Variants in ARHGAP28 observed in about 807,000 individuals in gnomAD.
ARHGAP28 encodes Rho GTPase activating protein 28.
ARHGAP28 carries 56 observed loss-of-function variants against 90.7 expected under a neutral mutation model. The ratio of observed to expected loss-of-function variants is 0.62; its 90% CI spans 0.50 to 0.77. The LOEUF (loss-of-function observed/expected upper bound fraction) is 0.77. Ranked by LOEUF, ARHGAP28 falls within the 30% of genes least tolerant of loss-of-function variation. ARHGAP28 has a pLI of 0.00. For missense variants in ARHGAP28, 869 were observed against 900.9 expected, an observed-to-expected ratio of 0.96 and a Z score of 0.45; for synonymous variants, 308 against 323.3, an observed-to-expected ratio of 0.95 and a Z score of 0.51.
rs76377513 is a variant in ARHGAP28, at chr18:6,771,773, T to C, written c.122+41830T>C. On this transcript the variant is annotated intron_variant, in intron 1 of 17. Transcript: ENST00000383472. ...ACGTTTTTATGTTAAACATTAGTAG[T>C]TGGATCTTAAAAACCACAAGAGAAC... 7.9e-3 allele frequency among the ~76,000 whole-genome samples: 1,199 copies of C among 152,320 alleles called. 9 individuals carry two copies. Among genetic ancestry groups the C allele is most frequent in the African/African-American group, 0.027 (1,120 of 41,562 alleles).
intron 1 of ARHGAP28, among the ~76,000 whole-genome samples, chr18:6,785,075 G>T (rs894035322): frequency 6.6e-6 from 1 of 152,104 alleles, no homozygotes; most frequent in Non-Finnish European, 1.5e-5. Flanking sequence ...GCTGTCTTTG[G>T]AATTAATTTC....
At chr18:6,896,467 T>C in intron 15 of ARHGAP28, 35 bp from the exon 16 acceptor site, 1 of 1,610,106 alleles carries the variant, frequency 6.2e-7, no homozygotes, top group South Asian at 1.1e-5. Flanking sequence ...TCATCCTAGT[T>C]TGACAGACTG....
intron 1 of ARHGAP28, among the ~76,000 whole-genome samples, chr18:6,761,269 G>A (rs1312984519): frequency 6.6e-6 from 1 of 152,112 alleles, no homozygotes; most frequent in Admixed American, 6.5e-5. Flanking sequence ...TATTCTGTCT[G>A]TGGAAACTCA....
intron 1 of ARHGAP28, among the ~76,000 whole-genome samples, chr18:6,784,013 C>T (rs2056347330): frequency 6.6e-6 from 1 of 152,172 alleles, no homozygotes; most frequent in Admixed American, 6.6e-5. Context: ...TCCCCTCATG[C>T]TGCTCACATT....
At chr18:6,853,979 A>G (rs72883081) in intron 4 of ARHGAP28, among the ~76,000 whole-genome samples, 5,972 of 152,198 alleles carry the variant, frequency 0.039, 297 homozygotes, top group East Asian at 0.28. Context: ...CACATCCCTA[A>G]CCTTGGCAAA....
At chr18:6,872,344 G>A (rs1019506441) in intron 7 of ARHGAP28, among the ~76,000 whole-genome samples, 31 of 152,294 alleles carry the variant, frequency 2.0e-4, no homozygotes, top group African/African-American at 7.0e-4. Context: ...AACTAGCTAA[G>A]CATTTAATAG....
chr18:6,809,195 A>G (rs951586039), intron 1 of ARHGAP28, among the ~76,000 whole-genome samples: 1 of 152,174 alleles, frequency 6.6e-6, no homozygotes, highest in Non-Finnish European at 1.5e-5. Context: ...GCCTCTTGTC[A>G]AATCTTAAAA....
chr18:6,905,123 G>T (rs1434778825), intron 16 of ARHGAP28, among the ~76,000 whole-genome samples: 2 of 151,376 alleles, frequency 1.3e-5, no homozygotes, highest in African/African-American at 4.9e-5. Context: ...ACAAACAAAA[G>T]CCCTACAGAC....
intron 1 of ARHGAP28, among the ~76,000 whole-genome samples, chr18:6,804,429 C>T (rs1394310779): frequency 6.6e-6 from 1 of 151,662 alleles, no homozygotes; most frequent in Non-Finnish European, 1.5e-5. Flanking sequence ...TTTTCTGCTT[C>T]ATTGTTTTTT....
intron 5 of ARHGAP28, 54 bp downstream of exon 5, chr18:6,859,951 G>A: frequency 4.8e-6 from 7 of 1,465,276 alleles, no homozygotes; most frequent in Admixed American, 3.5e-5. Flanking sequence ...GCAAGTCAAA[G>A]CAACTAATGT....
At position 6,729,777 on chromosome 18, in the gene ARHGAP28, C is replaced by A; in HGVS notation, c.-45C>A. 7.4e-7 allele frequency: 1 copy of A among 1,351,462 alleles called. No individual in the cohort carries two copies. The highest frequency in any genetic ancestry group is 1.8e-5 in the South Asian group (1 of 54,462). The allele number at this position is 1,351,462 out of a possible 1,614,324, so 83.7% of individuals were successfully genotyped here. On this transcript the variant is annotated 5_prime_UTR_variant, in exon 1 of 18. Coordinates refer to ENST00000383472, the MANE Select transcript of ARHGAP28 (RefSeq NM_001366230.1). ...CCCGGCGCGCCGGTCCATGCTGGTCCCGGTCTTTGTTCTGGGGCCGGCGCC... is the reference window on the plus strand; with the variant it reads ...CCCGGCGCGCCGGTCCATGCTGGTCACGGTCTTTGTTCTGGGGCCGGCGCC...
chr18:6,829,585 T>C (rs2056699813), intron 2 of ARHGAP28, among the ~76,000 whole-genome samples: 1 of 152,226 alleles, frequency 6.6e-6, no homozygotes, highest in South Asian at 2.1e-4. Flanking sequence ...TGCACTCTTA[T>C]AATCTCACAC....
chr18:6,789,231 G>C (rs2056388339), intron 1 of ARHGAP28: 1 of 152,140 alleles, frequency 6.6e-6, no homozygotes, highest in Non-Finnish European at 1.5e-5. Flanking sequence ...CTCAGCCTTT[G>C]CATGGTAGGG....
At chr18:6,898,654 G>T in intron 16 of ARHGAP28, 1 of 1,490,464 alleles carries the variant, frequency 6.7e-7, no homozygotes, top group South Asian at 1.5e-5. Flanking sequence ...CTACAAAACT[G>T]ACTTTGTACT....
chr18:6,772,320 C>T (rs2056249558), intron 1 of ARHGAP28, among the ~76,000 whole-genome samples: 1 of 152,094 alleles, frequency 6.6e-6, no homozygotes, highest in Non-Finnish European at 1.5e-5. Context: ...CATTTGTTTC[C>T]AGGAGCTCCA....
At chr18:6,820,794 G>A (rs907681231) in intron 1 of ARHGAP28, among the ~76,000 whole-genome samples, 2 of 152,128 alleles carry the variant, frequency 1.3e-5, no homozygotes, top group Non-Finnish European at 2.9e-5. Context: ...AAAAATATTT[G>A]TCAAAAATGG....
At position 6,807,623 on chromosome 18, in the gene ARHGAP28, A is replaced by G. The variant is rs553318055; in HGVS notation, c.123-17139A>G. ...AACTTTTCCACTTAAGCTGCTGAGAACACAAACTATTCCTGACCCTCGGTG... is the reference window on the plus strand; with the variant it reads ...AACTTTTCCACTTAAGCTGCTGAGAGCACAAACTATTCCTGACCCTCGGTG... On this transcript the variant is annotated intron_variant, in intron 1 of 17. Transcript: ENST00000383472. Among the ~76,000 whole-genome samples, 5 of 152,310 alleles carry G rather than the reference A, an allele frequency of 3.3e-5. No individual in the cohort carries two copies. In the East Asian group the frequency reaches 9.6e-4, roughly 29 times the overall value.
chr18:6,893,416 C>A (rs1277787718), intron 14 of ARHGAP28, among the ~76,000 whole-genome samples: 1 of 152,162 alleles, frequency 6.6e-6, no homozygotes, highest in Non-Finnish European at 1.5e-5. Flanking sequence ...CTAGTTGAAG[C>A]CTTTGGATTT....
chr18:6,729,820 C>T lies in ARHGAP28; in HGVS notation c.-2C>T, dbSNP rs975660548. 7.1e-7 allele frequency: 1 copy of T among 1,414,424 alleles called. No individual in the cohort carries two copies. The highest frequency in any genetic ancestry group is 3.1e-5 in the East Asian group (1 of 32,548). 87.6% of individuals were successfully genotyped at this position (1,414,424 alleles called of 1,614,324 possible). On this transcript the variant is annotated 5_prime_UTR_variant, in exon 1 of 18. The change creates a new upstream start codon in the 5' untranslated region. Transcript: ENST00000383472. ...CCGGCGCCGAGACATGCGCGGCTGA[C>T]GATGGAGGTGGAGGACTCGGGCGGC... is the stretch of plus-strand genomic sequence containing the variant.
Sources: allele counts gnomAD v4.1 joint callset (sites outside exome capture counted in the v4.1 genomes callset), GRCh38; gene constraint gnomAD v4.1.1; transcripts MANE v1.5; gene names NCBI Gene and HGNC (gene_info 2026-07-23, HGNC 2026-07-21).